EPB41L2: variants seen among roughly 807,000 people sequenced by gnomAD.
EPB41L2 encodes band 4.1-like protein 2.
A neutral mutation model predicts 113.0 loss-of-function variants in EPB41L2; 43 were observed. That is an observed-to-expected ratio of 0.38 (90% CI 0.30 to 0.49). The LOEUF is 0.49. EPB41L2 is among the 20% of genes least tolerant of loss of function. The pLI, the probability that EPB41L2 is intolerant of heterozygous loss-of-function variation, is 0.95. For missense variants in EPB41L2, 1,147 were observed against 1,223.4 expected, an observed-to-expected ratio of 0.94 and a Z score of 0.93; for synonymous variants, 442 against 436.7, an observed-to-expected ratio of 1.01 and a Z score of -0.15.
intron 3 of EPB41L2, among the ~76,000 whole-genome samples, chr6:130,937,335 C>T (rs1459711726): frequency 1.3e-5 from 2 of 152,164 alleles, no homozygotes; most frequent in South Asian, 2.1e-4. Context: ...ATGAGGCAGT[C>T]AGCAAAGAGG....
chr6:130,973,267 C>T (rs1584150930), intron 1 of EPB41L2, among the ~76,000 whole-genome samples: 1 of 69,630 alleles, frequency 1.4e-5, no homozygotes, highest in African/African-American at 8.6e-5. Flanking sequence ...TGGGCAGACA[C>T]AAAACTTTTT....
At chr6:131,061,676 C>G (rs1584859430) in intron 1 of EPB41L2, among the ~76,000 whole-genome samples, 1 of 152,314 alleles carries the variant, frequency 6.6e-6, no homozygotes, top group East Asian at 1.9e-4. Context: ...ATCCTAGCCC[C>G]TGCAGCATAG....
At chr6:130,885,511 T>C (rs1480095481) in intron 11 of EPB41L2, among the ~76,000 whole-genome samples, 1 of 152,186 alleles carries the variant, frequency 6.6e-6, no homozygotes, top group African/African-American at 2.4e-5. Flanking sequence ...CCACAGGTAT[T>C]GGAAGGATAA....
At chr6:131,010,135 T>C (rs898397016) in intron 1 of EPB41L2, among the ~76,000 whole-genome samples, 9 of 152,226 alleles carry the variant, frequency 5.9e-5, no homozygotes, top group African/African-American at 1.2e-4. Context: ...ATTTACATTA[T>C]AGAGTTACTA....
chr6:130,926,675 A>G lies in EPB41L2; in HGVS notation c.740T>C (p.Val247Ala). 1 of 1,608,938 alleles carries G rather than the reference A, an allele frequency of 6.2e-7. No individual in the cohort carries two copies. Among genetic ancestry groups the G allele is most frequent in the Non-Finnish European group, 8.5e-7 (1 of 1,178,892 alleles). ...CTCCAAGAGATTGAGGTGTTCACAC[A>G]CTTTGTCAAATAACACTTGTCCCTT... The part of the protein sequence containing the change: ...HAKGQVLFDK[V>A]CEHLNLLEKD... The change falls in exon 4 of 20, where the codon GTG becomes GCG. Residue 247 changes from valine (V) to alanine (A), a missense_variant. By Grantham distance (64) the Val-to-Ala change is moderately conservative (BLOSUM62 0). Coordinates refer to ENST00000337057, the MANE Select transcript of EPB41L2 (RefSeq NM_001431.4).
chr6:130,907,733 A>C (rs1798149602), intron 5 of EPB41L2, among the ~76,000 whole-genome samples: 1 of 152,216 alleles, frequency 6.6e-6, no homozygotes, highest in African/African-American at 2.4e-5. Context: ...TCGAGAGAGA[A>C]AGAAATAAAG....
intron 3 of EPB41L2, among the ~76,000 whole-genome samples, chr6:130,948,523 C>T (rs1446872349): frequency 6.6e-6 from 1 of 151,990 alleles, no homozygotes; most frequent in African/African-American, 2.4e-5. Flanking sequence ...AAAGCAAATT[C>T]AAGTAAACGA....
At chr6:130,925,110 T>C (rs949577869) in intron 4 of EPB41L2, among the ~76,000 whole-genome samples, 1 of 151,842 alleles carries the variant, frequency 6.6e-6, no homozygotes, top group Non-Finnish European at 1.5e-5. Flanking sequence ...AAACAGTATA[T>C]CCTACTATCT....
intron 17 of EPB41L2, among the ~76,000 whole-genome samples, chr6:130,865,280 A>C (rs1361222667): frequency 6.6e-6 from 1 of 152,208 alleles, no homozygotes; most frequent in Non-Finnish European, 1.5e-5. Flanking sequence ...TAAATTATTT[A>C]TGGTTTTGTA....
intron 11 of EPB41L2, among the ~76,000 whole-genome samples, chr6:130,888,783 T>C (rs1791865317): frequency 1.3e-5 from 2 of 152,232 alleles, no homozygotes; most frequent in Non-Finnish European, 2.9e-5. Flanking sequence ...TTAGCAGTGA[T>C]AGTACATTAA....
intron 1 of EPB41L2, among the ~76,000 whole-genome samples, chr6:130,987,829 T>G (rs994626698): frequency 9.9e-5 from 15 of 152,190 alleles, no homozygotes; most frequent in African/African-American, 3.6e-4. Flanking sequence ...TAGGCTCAGG[T>G]GGGCTAGGTG....
At position 130,935,544 on chromosome 6, in the gene EPB41L2, C is replaced by CA. The variant is rs1368515476; in HGVS notation, c.706-8836dup. 5.3e-5 allele frequency among the ~76,000 whole-genome samples: 8 copies of CA among 151,980 alleles called. No individual in the cohort carries two copies. The East Asian group carries it at 1.5e-3, about 29-fold the overall frequency. On this transcript the variant is annotated intron_variant, in intron 3 of 19. Transcript: ENST00000337057. Reference sequence around the variant, plus strand: ...TTTTATGCTATGTGGAAAATGGCACCAAAAAAATCTGAAATCCTGCTACCA... The same window carrying CA: ...TTTTATGCTATGTGGAAAATGGCACCAAAAAAAATCTGAAATCCTGCTACCA...
chr6:131,008,062 G>T (rs987137956), intron 1 of EPB41L2, among the ~76,000 whole-genome samples: 1 of 152,252 alleles, frequency 6.6e-6, no homozygotes, highest in Non-Finnish European at 1.5e-5. Context: ...TTAATCCCAA[G>T]ACAATGGGAA....
Position 130,869,710 on chromosome 6 carries a change from G to A in EPB41L2, c.2460C>T (p.Ala820=). The change falls in exon 15 of 20, where the codon GCC becomes GCT. Residue 820 remains alanine (A), a synonymous_variant. Transcript: ENST00000337057. Reference sequence around the variant, plus strand: ...CACTCTTCTCTCCGGGTATCTTTTGGGCACCTACATTTTCCTGGATCACTG... The same window carrying A: ...CACTCTTCTCTCCGGGTATCTTTTGAGCACCTACATTTTCCTGGATCACTG... ...VETVIQENVG[A]QKIPGEKSVH... 1 of 1,613,994 alleles carries A rather than the reference G, an allele frequency of 6.2e-7. No individual in the cohort carries two copies. The highest frequency in any genetic ancestry group is 8.5e-7 in the Non-Finnish European group (1 of 1,179,998).
intron 1 of EPB41L2, among the ~76,000 whole-genome samples, chr6:131,058,346 C>T (rs1797997956): frequency 6.6e-6 from 1 of 152,136 alleles, no homozygotes; most frequent in South Asian, 2.1e-4. Context: ...ACTATCCCAA[C>T]ACCATGGAAA....
intron 13 of EPB41L2, among the ~76,000 whole-genome samples, chr6:130,879,853 G>A (rs1019516860): frequency 6.6e-6 from 1 of 152,224 alleles, no homozygotes; most frequent in Admixed American, 6.5e-5. Context: ...CTTTAGGAGA[G>A]AATAGGTTTA....
intron 4 of EPB41L2, among the ~76,000 whole-genome samples, chr6:130,921,250 T>C (rs754951985): frequency 2.6e-5 from 4 of 152,180 alleles, no homozygotes; most frequent in South Asian, 4.1e-4. Context: ...CTTTCTGATA[T>C]GCAAATCTGA....
intron 14 of EPB41L2, among the ~76,000 whole-genome samples, chr6:130,876,035 T>C (rs1246845781): frequency 1.3e-5 from 2 of 151,594 alleles, no homozygotes; most frequent in Non-Finnish European, 2.9e-5. Context: ...TAATTAACTA[T>C]TTCCATGTCT....
intron 1 of EPB41L2, among the ~76,000 whole-genome samples, chr6:130,973,421 A>G (rs1471894722): frequency 6.6e-6 from 1 of 152,140 alleles, no homozygotes; most frequent in Non-Finnish European, 1.5e-5. Flanking sequence ...ATGCAGATTA[A>G]GTTCTTCCCA....
Sources: gnomAD v4.1 joint callset for allele counts (sites outside exome capture counted in the v4.1 genomes callset) on GRCh38, gnomAD v4.1.1 for gene constraint, MANE v1.5 for transcripts, NCBI Gene and HGNC (gene_info 2026-07-23, HGNC 2026-07-21) for gene names.